Variants in CALU observed in about 807,000 individuals in gnomAD.
The protein encoded by CALU is calumenin.
CALU carries 13 observed loss-of-function variants against 37.5 expected under a neutral mutation model. The ratio of observed to expected loss-of-function variants is 0.35; its 90% CI spans 0.23 to 0.55. CALU has a LOEUF of 0.55. Ranked by LOEUF, CALU falls within the 20% of genes least tolerant of loss-of-function variation. CALU has a pLI of 0.89. For synonymous variants in CALU, 114 were observed against 133.8 expected (o/e 0.85, Z 1.02); for missense variants, 282 against 391.7 (o/e 0.72, Z 2.36).
chr7:128,748,834 T>G lies in CALU; in HGVS notation c.221+30T>G, dbSNP rs769226451. ...GGTACCACCTCTCAGGGGTCTAGTGTGGGTAATGACATTCTTTATAAAGGC... is the reference window on the plus strand; with the variant it reads ...GGTACCACCTCTCAGGGGTCTAGTGGGGGTAATGACATTCTTTATAAAGGC... On this transcript the variant is annotated intron_variant, in intron 2 of 6. Coordinates refer to ENST00000249364, the MANE Select transcript of CALU (RefSeq NM_001219.5). The G allele has an allele frequency of 2.1e-6, 3 of 1,446,682 alleles. No homozygotes were observed. In the African/African-American group the frequency reaches 4.2e-5, roughly 20 times the overall value. 89.6% of individuals were successfully genotyped at this position (1,446,682 alleles called of 1,614,324 possible). A position where few individuals can be genotyped will look rare whatever the true frequency, so the allele number is the denominator to read the frequency against.
intron 3 of CALU, among the ~76,000 whole-genome samples, chr7:128,754,902 C>G (rs1166329839): frequency 6.6e-6 from 1 of 151,950 alleles, no homozygotes; most frequent in South Asian, 2.1e-4. Context: ...TTTTTGTTTT[C>G]TGAAGTCTGG....
chr7:128,756,494 TGAG>T (rs1465846212), intron 3 of CALU, among the ~76,000 whole-genome samples: 1 of 152,096 alleles, frequency 6.6e-6, no homozygotes, highest in Non-Finnish European at 1.5e-5. Flanking sequence ...CTTAGAGAAG[TGAG>T]GAGTTTTTGT....
chr7:128,765,227 C>A (rs1481680584), intron 5 of CALU, among the ~76,000 whole-genome samples: 3 of 151,702 alleles, frequency 2.0e-5, no homozygotes, highest in African/African-American at 7.3e-5. Flanking sequence ...TCTTTTTTTT[C>A]TTTTTCTTTT....
chr7:128,758,825 T>C (rs1800988351), intron 3 of CALU, 46 bp from the exon 4 acceptor site: 1 of 1,362,866 alleles, frequency 7.3e-7, no homozygotes, highest in Admixed American at 1.9e-5. Flanking sequence ...CATTTTCATG[T>C]TTTCTGAAAG....
chr7:128,748,888 G>A, intron 2 of CALU, 84 bp downstream of exon 2: 1 of 897,900 alleles, frequency 1.1e-6, no homozygotes, highest in Non-Finnish European at 1.7e-6. Context: ...GCTCAGTTAT[G>A]AGTAAAGTTA....
At chr7:128,765,007 A>G (rs1801275364) in intron 5 of CALU, among the ~76,000 whole-genome samples, 1 of 151,946 alleles carries the variant, frequency 6.6e-6, no homozygotes, top group Non-Finnish European at 1.5e-5. Flanking sequence ...CTCGATCTCC[A>G]AGGTGGGGAG....
chr7:128,746,678 C>G (rs1054176005), intron 1 of CALU, among the ~76,000 whole-genome samples: 1 of 152,016 alleles, frequency 6.6e-6, no homozygotes, highest in Non-Finnish European at 1.5e-5. Context: ...TCTTAAACTC[C>G]CGGATGCAAG....
chr7:128,740,563 A>G (rs1800195251), intron 1 of CALU, among the ~76,000 whole-genome samples: 1 of 151,556 alleles, frequency 6.6e-6, no homozygotes, highest in African/African-American at 2.4e-5. Flanking sequence ...ATATAGTATA[A>G]TCCAAATGAG....
At chr7:128,766,683 C>T (rs1339786254) in intron 5 of CALU, among the ~76,000 whole-genome samples, 3 of 152,014 alleles carry the variant, frequency 2.0e-5, no homozygotes, top group African/African-American at 7.2e-5. Flanking sequence ...GTCTCAAACT[C>T]CGACCTCAGG....
chr7:128,739,702 G>C (rs1800155923), intron 1 of CALU, among the ~76,000 whole-genome samples: 1 of 152,128 alleles, frequency 6.6e-6, no homozygotes, highest in African/African-American at 2.4e-5. Context: ...TTCTGTGCCT[G>C]GTTTGCTGCG....
At chr7:128,742,419 C>G (rs1800273319) in intron 1 of CALU, among the ~76,000 whole-genome samples, 1 of 152,186 alleles carries the variant, frequency 6.6e-6, no homozygotes, top group South Asian at 2.1e-4. Flanking sequence ...CCATTTCTCC[C>G]AATTGTTAAC....
chr7:128,762,522 A>G (rs1261080559), intron 5 of CALU, among the ~76,000 whole-genome samples: 2 of 151,786 alleles, frequency 1.3e-5, no homozygotes, highest in South Asian at 2.1e-4. Context: ...TCTTCGCCTC[A>G]TAAATTTAGC....
chr7:128,764,147 G>A (rs935226356), intron 5 of CALU, among the ~76,000 whole-genome samples: 1 of 152,086 alleles, frequency 6.6e-6, no homozygotes, highest in African/African-American at 2.4e-5. Context: ...TCTCTGTTGG[G>A]CCGGATGCCG....
At chr7:128,750,521 A>G (rs1800630905) in intron 2 of CALU, among the ~76,000 whole-genome samples, 1 of 152,172 alleles carries the variant, frequency 6.6e-6, no homozygotes, top group South Asian at 2.1e-4. Context: ...CAGATTCTGT[A>G]TTTGATTAGA....
intron 1 of CALU, among the ~76,000 whole-genome samples, chr7:128,746,754 A>G (rs891176657): frequency 3.8e-5 from 5 of 133,006 alleles, no homozygotes; most frequent in Non-Finnish European, 6.3e-5. Context: ...CCCCGGCCTC[A>G]TGTCATTCTT....
intron 3 of CALU, 140 bp downstream of exon 3, chr7:128,754,595 G>T (rs1418475378): frequency 1.0e-5 from 16 of 1,551,926 alleles, no homozygotes; most frequent in Non-Finnish European, 1.4e-5. Context: ...TGAAATCCTG[G>T]ATTAAGCACG....
At chr7:128,762,043 A>ATT (rs11327311) in intron 5 of CALU, among the ~76,000 whole-genome samples, 1 of 148,558 alleles carries the variant, frequency 6.7e-6, no homozygotes, top group Non-Finnish European at 1.5e-5. Context: ...TCCTAAACTG[A>ATT]TTTTTTTTTT....
chr7:128,748,840 A>G (rs1563128013), intron 2 of CALU, 36 bp downstream of exon 2: 1 of 1,398,056 alleles, frequency 7.2e-7, no homozygotes, highest in Non-Finnish European at 1.0e-6. Flanking sequence ...AGTGTGGGTA[A>G]TGACATTCTT....
intron 1 of CALU, among the ~76,000 whole-genome samples, chr7:128,743,813 CTTTTAT>C (rs1202388828): frequency 6.6e-6 from 1 of 152,060 alleles, no homozygotes; most frequent in East Asian, 1.9e-4. Context: ...CCAGTCTAAA[CTTTTAT>C]AAAGTGTTGA....
Sources: allele counts gnomAD v4.1 joint callset (sites outside exome capture counted in the v4.1 genomes callset), GRCh38; gene constraint gnomAD v4.1.1; transcripts MANE v1.5; gene names NCBI Gene and HGNC (gene_info 2026-07-23, HGNC 2026-07-21).